The following KIR3DL1 variants were observed in gnomAD, a reference collection of about 807,000 sequenced individuals.
KIR3DL1 encodes the protein killer cell immunoglobulin like receptor, three Ig domains and long cytoplasmic tail 1, also known as killer cell immunoglobulin-like receptor 3DL1.
Under a neutral mutation model 40.3 loss-of-function variants are expected in KIR3DL1, and 50 were observed. The ratio of observed to expected loss-of-function variants is 1.24; its 90% CI spans 0.99 to 1.57. The LOEUF (loss-of-function observed/expected upper bound fraction) is 1.57, where lower values mean the gene tolerates loss of function less well. KIR3DL1 is among the 40% of genes most tolerant of loss of function. The probability of loss-of-function intolerance (pLI) is 0.00; values close to 1 mark genes in which losing one functional copy is unlikely to be tolerated. For synonymous variants in KIR3DL1, 257 were observed against 207.2 expected (o/e 1.24, Z -2.07); for missense variants, 661 against 559.9 (o/e 1.18, Z -1.82).
chr19:54,828,621 C>G (rs2062032792), intron 6 of KIR3DL1, among the ~76,000 whole-genome samples: 1 of 150,612 alleles, frequency 6.6e-6, no homozygotes, highest in African/African-American at 2.5e-5. Context: ...CCTGGAGCCA[C>G]AGGAAGCACT....
chr19:54,817,480 AG>A lies in KIR3DL1; in HGVS notation c.35-51del. 1.5e-6 allele frequency: 2 copies of A among 1,378,250 alleles called. 1 individual carries two copies. Among genetic ancestry groups the A allele is most frequent in the Non-Finnish European group, 2.0e-6 (2 of 989,946 alleles). 85.4% of individuals were successfully genotyped at this position (1,378,250 alleles called of 1,614,324 possible). A position where few individuals can be genotyped will look rare whatever the true frequency, so the allele number is the denominator to read the frequency against. On this transcript the variant is annotated intron_variant, in intron 1 of 8. Transcript: ENST00000391728. ...AGACGCACAGCCCAGTGGGGGCAGC[AG>A]GGTGCCCTGGTTTGCCTGCAGAGGG...
rs2061755841 is a variant in KIR3DL1 at position 54,823,829 on chromosome 19, G to T, written c.950-1199G>T. Among the ~76,000 whole-genome samples the T allele has an allele frequency of 1.3e-5, 2 of 151,618 alleles. 1 individual carries two copies. Among genetic ancestry groups the T allele is most frequent in the Non-Finnish European group, 2.9e-5 (2 of 67,990 alleles). Reference sequence around the variant, plus strand: ...GATGAGATGAAAACTCATCGCGATTGTAATTTACATTTCTCTGATGATGAG... The same window carrying T: ...GATGAGATGAAAACTCATCGCGATTTTAATTTACATTTCTCTGATGATGAG... On this transcript the variant is annotated intron_variant, in intron 5 of 8. Transcript: ENST00000391728.
Position 54,830,310 on chromosome 19 carries a change from G to C in KIR3DL1, c.*35G>C, listed in dbSNP as rs753876650. The C allele has an allele frequency of 2.6e-6, 4 of 1,510,364 alleles. 2 individuals carry two copies. Among genetic ancestry groups the C allele is most frequent in the Non-Finnish European group, 1.8e-6 (2 of 1,110,424 alleles). 93.6% of individuals were successfully genotyped at this position (1,510,364 alleles called of 1,614,324 possible). A position where few individuals can be genotyped will look rare whatever the true frequency, so the allele number is the denominator to read the frequency against. ...TCAGGCCTTGAGGACGTCTTCTAGG[G>C]AGACAACAGCCCTGTCTCAAAACCG... On this transcript the variant is annotated 3_prime_UTR_variant, in exon 9 of 9. Transcript: ENST00000391728.
chr19:54,820,135 T>C lies in KIR3DL1; in HGVS notation c.655+123T>C. 5 of 1,037,918 alleles carry C rather than the reference T, an allele frequency of 4.8e-6. No individual in the cohort carries two copies. In the South Asian group the frequency reaches 7.3e-5, roughly 15 times the overall value. The allele number at this position is 1,037,918 out of a possible 1,614,324, so 64.3% of individuals were successfully genotyped here. A position where few individuals can be genotyped will look rare whatever the true frequency, so the allele number is the denominator to read the frequency against. ...GGATTCTTATGGAAAGAGAGTGACT[T>C]GGTGAGGTCTGTACCAACAGAGACA... On this transcript the variant is annotated intron_variant, in intron 4 of 8. Transcript: ENST00000391728.
At chr19:54,821,482 G>A (rs2061630321) in intron 4 of KIR3DL1, 83 bp from the exon 5 acceptor site, 1 of 1,460,432 alleles carries the variant, frequency 6.8e-7, no homozygotes, top group Non-Finnish European at 9.3e-7. Flanking sequence ...TCATAGAGCA[G>A]GGGAGTGAGT....
intron 4 of KIR3DL1, 51 bp downstream of exon 4, chr19:54,820,063 G>A: frequency 1.3e-6 from 2 of 1,572,110 alleles, no homozygotes; most frequent in Non-Finnish European, 1.7e-6. Flanking sequence ...CAGAGTGAAT[G>A]ATCCAGGACT....
exon 6 of KIR3DL1, chr19:54,825,058 C>G (rs1163251802): frequency 6.5e-7 from 1 of 1,528,558 alleles, no homozygotes; most frequent in Non-Finnish European, 9.0e-7. Flanking sequence ...CCTTCACCCA[C>G]AGAACCAAGC....
chr19:54,822,362 C>T (rs2061682603), intron 5 of KIR3DL1, among the ~76,000 whole-genome samples: 1 of 151,204 alleles, frequency 6.6e-6, no homozygotes, highest in East Asian at 1.9e-4. Context: ...TGGTGGTTCA[C>T]GGTTGTAATC....
chr19:54,821,336 A>G (rs1469034981), intron 4 of KIR3DL1, among the ~76,000 whole-genome samples: 1 of 151,178 alleles, frequency 6.6e-6, no homozygotes, highest in South Asian at 2.1e-4. Flanking sequence ...AGAGAATAAA[A>G]CAATCCAAAA....
At chr19:54,816,760 C>A (rs2061355878) in intron 1 of KIR3DL1, among the ~76,000 whole-genome samples, 1 of 113,488 alleles carries the variant, frequency 8.8e-6, no homozygotes. Flanking sequence ...GAGATATGGG[C>A]CTGGGGTGGA....
At chr19:54,828,475 G>T (rs964140445) in intron 6 of KIR3DL1, among the ~76,000 whole-genome samples, 1 of 151,062 alleles carries the variant, frequency 6.6e-6, no homozygotes, top group African/African-American at 2.5e-5. Context: ...GATAAGCAGC[G>T]AGTGACAACA....
chr19:54,822,284 T>A (rs1379647260), intron 5 of KIR3DL1, among the ~76,000 whole-genome samples: 1 of 151,368 alleles, frequency 6.6e-6, no homozygotes, highest in East Asian at 1.9e-4. Flanking sequence ...TGTAACTATA[T>A]AATTTACCAC....
At position 54,818,657 on chromosome 19, in the gene KIR3DL1, TG is replaced by T. The variant is rs1410841147; in HGVS notation, c.355+60del. The stretch of plus-strand genomic sequence containing the variant: ...CCCACCTCCTGAATCCCAGAGCTTC[TG>T]GTGGGGGTGTCCGTCAGGGTCCCAT... On this transcript the variant is annotated intron_variant, in intron 3 of 8. Transcript: ENST00000391728. 3.8e-6 allele frequency: 6 copies of T among 1,567,262 alleles called. No homozygotes were observed. The African/African-American group carries it at 8.3e-5, about 22-fold the overall frequency.
intron 5 of KIR3DL1, among the ~76,000 whole-genome samples, chr19:54,822,950 C>T (rs1369291401): frequency 6.7e-6 from 1 of 148,578 alleles, no homozygotes; most frequent in African/African-American, 2.5e-5. Flanking sequence ...CATATGAGTG[C>T]AGATATCACT....
intron 5 of KIR3DL1, among the ~76,000 whole-genome samples, chr19:54,824,065 T>G (rs1355041879): frequency 2.0e-5 from 3 of 151,438 alleles, no homozygotes; most frequent in Non-Finnish European, 4.4e-5. Context: ...CTTTCTTGGT[T>G]TATCTTTTGT....
At chr19:54,821,842 G>C (rs758126561) in exon 5 of KIR3DL1, 1 of 1,601,810 alleles carries the variant, frequency 6.2e-7, no homozygotes, top group South Asian at 1.1e-5. Flanking sequence ...GTGACCCACT[G>C]CTTGTTTCTG....
In KIR3DL1 at chr19:54,819,693, C is replaced by G. The variant is rs753283671; in HGVS notation, c.356-20C>G. The stretch of plus-strand genomic sequence containing the variant: ...ATGATAAAGAGAGATGCCTTCTAAA[C>G]TCACAACTTCTCTTTCTAGGAAACC... On this transcript the variant is annotated intron_variant, in intron 3 of 8. Coordinates refer to ENST00000391728, the Ensembl canonical transcript of KIR3DL1. 6.2e-7 allele frequency: 1 copy of G among 1,603,132 alleles called. No individual in the cohort carries two copies. The highest frequency in any genetic ancestry group is 1.1e-5 in the South Asian group (1 of 90,228).
rs367808450 is a variant in KIR3DL1 at position 54,825,117 on chromosome 19, C to T, written c.1000+39C>T. On this transcript the variant is annotated intron_variant, in intron 6 of 8. Coordinates refer to ENST00000391728, the Ensembl canonical transcript of KIR3DL1. ...CCCTCTTATCTCTGCTTTTGGAAAC[C>T]TGGGGAGGTGGAAGCCTTGGATGCA... 2.8e-3 allele frequency: 3,819 copies of T among 1,349,816 alleles called. 278 individuals carry two copies. The African/African-American group carries it at 0.048, about 17-fold the overall frequency. The allele number at this position is 1,349,816 out of a possible 1,614,324, so 83.6% of individuals were successfully genotyped here.
chr19:54,824,014 G>GT (rs1447818491), intron 5 of KIR3DL1, among the ~76,000 whole-genome samples: 3 of 151,160 alleles, frequency 2.0e-5, no homozygotes, highest in African/African-American at 7.3e-5. Flanking sequence ...CAGATGAATA[G>GT]TTTGCAAATA....
Sources: gnomAD v4.1 joint callset for allele counts (sites outside exome capture counted in the v4.1 genomes callset) on GRCh38, gnomAD v4.1.1 for gene constraint, MANE v1.5 for transcripts, NCBI Gene and HGNC (gene_info 2026-07-23, HGNC 2026-07-21) for gene names.